The following TIAM1 variants were observed in gnomAD, a reference collection of about 807,000 sequenced individuals.
TIAM1 encodes TIAM Rac1 associated GEF 1, also known as rho guanine nucleotide exchange factor TIAM1.
Under a neutral mutation model 163.5 loss-of-function variants are expected in TIAM1, and 65 were observed. The ratio of observed to expected loss-of-function variants is 0.40; its 90% CI spans 0.33 to 0.49. The LOEUF (loss-of-function observed/expected upper bound fraction) is 0.49, where lower values mean the gene tolerates loss of function less well. Among genes scored for constraint, TIAM1 ranks in the 20% least tolerant of loss-of-function variants. The probability of loss-of-function intolerance (pLI) is 0.77; values close to 1 mark genes in which losing one functional copy is unlikely to be tolerated. For missense variants in TIAM1, 1,789 were observed against 2,044.7 expected, an observed-to-expected ratio of 0.87 and a Z score of 2.41; for synonymous variants, 833 against 810.1, an observed-to-expected ratio of 1.03 and a Z score of -0.48.
intron 15 of TIAM1, among the ~76,000 whole-genome samples, chr21:31,168,746 A>G (rs754898671): frequency 4.6e-5 from 7 of 152,134 alleles, no homozygotes; most frequent in Admixed American, 6.6e-5. Flanking sequence ...TTGTATTCCA[A>G]GGCATCTGGT....
At chr21:31,164,562 G>A (rs1438748521) in intron 16 of TIAM1, among the ~76,000 whole-genome samples, 1 of 152,070 alleles carries the variant, frequency 6.6e-6, no homozygotes, top group African/African-American at 2.4e-5. Context: ...CTGAATGCAG[G>A]TAATTCAAAA....
At chr21:31,161,570 G>C (rs1056399639) in intron 16 of TIAM1, among the ~76,000 whole-genome samples, 1 of 152,176 alleles carries the variant, frequency 6.6e-6, no homozygotes, top group African/African-American at 2.4e-5. Context: ...TTCAGTACAA[G>C]TGCAAAACAT....
chr21:31,123,717 C>CAA (rs1174031645), intron 27 of TIAM1, among the ~76,000 whole-genome samples: 3 of 152,106 alleles, frequency 2.0e-5, no homozygotes, highest in Non-Finnish European at 2.9e-5. Context: ...ATCCTCCCTG[C>CAA]AAAATTCTGG....
rs1339710934 is a variant in TIAM1, at chr21:31,210,730, AGAAAG to A, written c.2218-520_2218-516del. On this transcript the variant is annotated intron_variant, in intron 10 of 27. Transcript: ENST00000541036. The stretch of plus-strand genomic sequence containing the variant: ...GAGAAAGAAAGAGAAAGAAAGAAAG[AGAAAG>A]AAGGAAGGAAGGGAGAAAGAAAGAA... Among the ~76,000 whole-genome samples, 35 of 108,584 alleles carry A rather than the reference AGAAAG, an allele frequency of 3.2e-4. 3 individuals are homozygous for A. Among genetic ancestry groups the A allele is most frequent in the African/African-American group, 1.8e-3 (34 of 18,852 alleles). 71.2% of individuals were successfully genotyped at this position (108,584 alleles called of 152,430 possible). A position where few individuals can be genotyped will look rare whatever the true frequency, so the allele number is the denominator to read the frequency against.
At chr21:31,249,592 G>T (rs183719026) in intron 5 of TIAM1, among the ~76,000 whole-genome samples, 42 of 152,288 alleles carry the variant, frequency 2.8e-4, no homozygotes, top group Admixed American at 2.5e-3. Context: ...GGGCTGCTAA[G>T]GATAAGAGGC....
chr21:31,182,343 C>T (rs2085070022), intron 15 of TIAM1, 78 bp downstream of exon 15: 1 of 1,284,442 alleles, frequency 7.8e-7, no homozygotes. Context: ...CACTGAAACA[C>T]ACAAGCCGCA....
intron 2 of TIAM1, among the ~76,000 whole-genome samples, chr21:31,355,835 G>GC (rs35883524): frequency 1 from 152,320 of 152,322 alleles, 76,159 homozygotes; most frequent in Middle Eastern, 1. Flanking sequence ...TCAGGCGTGA[G>GC]CACTGCGCGC....
chr21:31,441,665 T>C (rs1409114496), intron 2 of TIAM1, among the ~76,000 whole-genome samples: 1 of 152,134 alleles, frequency 6.6e-6, no homozygotes, highest in South Asian at 2.1e-4. Flanking sequence ...CTACCTAACA[T>C]ACAGGCTTCC....
At chr21:31,429,512 C>T (rs1188214351) in intron 2 of TIAM1, among the ~76,000 whole-genome samples, 1 of 152,154 alleles carries the variant, frequency 6.6e-6, no homozygotes, top group African/African-American at 2.4e-5. Context: ...CCCGGGGAGG[C>T]GGAGGGGTGT....
At chr21:31,127,224 T>C in intron 25 of TIAM1, 72 bp from the exon 26 acceptor site, 6 of 1,408,030 alleles carry the variant, frequency 4.3e-6, no homozygotes, top group Non-Finnish European at 6.0e-6. Context: ...GCAAAAGCAT[T>C]TTTCAGCTGT....
chr21:31,354,623 G>A (rs1394780036), intron 2 of TIAM1, among the ~76,000 whole-genome samples: 13 of 152,054 alleles, frequency 8.5e-5, no homozygotes, highest in African/African-American at 7.2e-5. Context: ...AATCTTGCTC[G>A]CAGCTGAACC....
intron 2 of TIAM1, among the ~76,000 whole-genome samples, chr21:31,459,564 A>G (rs1005958415): frequency 6.6e-6 from 1 of 152,224 alleles, no homozygotes; most frequent in Non-Finnish European, 1.5e-5. Flanking sequence ...ATGTTTAATT[A>G]TTAGTGGTCT....
At chr21:31,168,046 G>A (rs1169480621) in intron 15 of TIAM1, among the ~76,000 whole-genome samples, 4 of 151,784 alleles carry the variant, frequency 2.6e-5, no homozygotes, top group African/African-American at 9.7e-5. Flanking sequence ...CTTTGGGGTA[G>A]GAGGGTGGAA....
rs35708801 is a variant in TIAM1 at position 31,430,225 on chromosome 21, A to AATATATATAT, written c.-369+33748_-369+33757dup. On this transcript the variant is annotated intron_variant, in intron 2 of 28. Transcript: ENST00000286827. ...CCATCTCAAAGAAAAAAAAAAAAAA[A>AATATATATAT]ATATATATATATATATATATATACA... Among the ~76,000 whole-genome samples the AATATATATAT allele has an allele frequency of 1.2e-3, 107 of 90,176 alleles. 1 individual carries two copies. Among genetic ancestry groups the AATATATATAT allele is most frequent in the African/African-American group, 6.1e-3 (106 of 17,270 alleles). 59.2% of individuals were successfully genotyped at this position (90,176 alleles called of 152,430 possible). A position where few individuals can be genotyped will look rare whatever the true frequency, so the allele number is the denominator to read the frequency against.
chr21:31,452,999 G>A (rs557727948), intron 2 of TIAM1: 11 of 490,058 alleles, frequency 2.2e-5, no homozygotes, highest in African/African-American at 5.9e-5. Flanking sequence ...AAAACAGAAC[G>A]GTCAAAGTGG....
Position 31,432,481 on chromosome 21 carries a change from TG to T in TIAM1, c.-369+31501del, listed in dbSNP as rs372908569. 7.9e-5 allele frequency among the ~76,000 whole-genome samples: 12 copies of T among 152,268 alleles called. No individual in the cohort carries two copies. In the East Asian group the frequency reaches 2.1e-3, roughly 27 times the overall value. ...CAGTACCAAAGCGAGGAGCCAGAGT[TG>T]GGTGATCTGGCCTGCTTTCTAAATT... On this transcript the variant is annotated intron_variant, in intron 2 of 28. Coordinates refer to the TIAM1 transcript ENST00000286827.
intron 19 of TIAM1, 72 bp downstream of exon 19, chr21:31,152,561 ACAT>A (rs1601313460): frequency 1.3e-6 from 2 of 1,577,208 alleles, no homozygotes; most frequent in East Asian, 4.5e-5. Flanking sequence ...TCCAATGAAG[ACAT>A]CAACACGATC....
intron 2 of TIAM1, among the ~76,000 whole-genome samples, chr21:31,390,168 CATA>C (rs2076944793): frequency 1.3e-5 from 2 of 152,128 alleles, no homozygotes; most frequent in South Asian, 2.1e-4. Context: ...GTATTATGGA[CATA>C]ATGTTTTCAG....
In TIAM1 at chr21:31,395,066, CGT is replaced by C. The variant is rs2077039807; in HGVS notation, c.-368-55646_-368-55645del. Among the ~76,000 whole-genome samples the C allele has an allele frequency of 2.0e-5, 3 of 151,958 alleles. No homozygotes were observed. Among genetic ancestry groups the C allele is most frequent in the Admixed American group, 2.0e-4 (3 of 15,256 alleles). ...CAGCCTGGCCAACACAGTGAAACCCCGTATCTACCAAAAATACAAACATTAGC... is the reference window on the plus strand; with the variant it reads ...CAGCCTGGCCAACACAGTGAAACCCCATCTACCAAAAATACAAACATTAGC... On this transcript the variant is annotated intron_variant, in intron 2 of 28. Coordinates refer to the TIAM1 transcript ENST00000286827. The surrounding 1 kb of genome is among the most constrained non-coding windows in gnomAD (Gnocchi z 7.5).
Sources: gnomAD v4.1 joint callset for allele counts (sites outside exome capture counted in the v4.1 genomes callset) on GRCh38, gnomAD v4.1.1 for gene constraint, Gnocchi (gnomAD v3.1) non-coding constraint, MANE v1.5 for transcripts, NCBI Gene and HGNC (gene_info 2026-07-23, HGNC 2026-07-21) for gene names.